The following SLC30A7 variants were observed in gnomAD, a reference collection of about 807,000 sequenced individuals.
SLC30A7 encodes zinc transporter 7.
SLC30A7 carries 35 observed loss-of-function variants against 46.0 expected under a neutral mutation model. That is an observed-to-expected ratio of 0.76 (90% confidence interval 0.58 to 1.01). The LOEUF is 1.01. Ranked by LOEUF, SLC30A7 falls within the 50% of genes least tolerant of loss-of-function variation. The pLI, the probability that SLC30A7 is intolerant of heterozygous loss-of-function variation, is 0.00. For missense variants in SLC30A7, 464 were observed against 451.1 expected (o/e 1.03, Z -0.26); for synonymous variants, 147 against 157.8 (o/e 0.93, Z 0.51).
rs189957716 is a variant in SLC30A7, at chr1:100,976,272, T to C, written c.*1415T>C. 110 of 152,354 alleles carry C rather than the reference T, an allele frequency of 7.2e-4. No individual in the cohort carries two copies. Among genetic ancestry groups the C allele is most frequent in the African/African-American group, 2.6e-3 (107 of 41,588 alleles). 9.4% of individuals were successfully genotyped at this position (152,354 alleles called of 1,614,324 possible). A position where few individuals can be genotyped will look rare whatever the true frequency, so the allele number is the denominator to read the frequency against. On this transcript the variant is annotated 3_prime_UTR_variant, in exon 11 of 11. Transcript: ENST00000357650. ...ACAGTGCTGTTTGGCTTTTTCATTC[T>C]TCAAATGCCAAGTCATCCACTTTGT...
chr1:100,993,559 A>AATATATAT, the SLC30A7 span, among the ~76,000 whole-genome samples: 1,605 of 56,122 alleles, frequency 0.029, 123 homozygotes, highest in South Asian at 0.039. Context: ...CGAAAATATA[A>AATATATAT]ATATATATAT....
At position 100,937,025 on chromosome 1, in the gene SLC30A7, G is replaced by GTATCTA. The variant is rs565368567; in HGVS notation, c.842+15198_842+15203dup. Among the ~76,000 whole-genome samples, 1,025 of 152,160 alleles carry GTATCTA rather than the reference G, an allele frequency of 6.7e-3. 18 individuals are homozygous for GTATCTA. Among genetic ancestry groups the GTATCTA allele is most frequent in the African/African-American group, 0.021 (891 of 41,502 alleles). ...TCATACTCATACACATAGATTATCT[G>GTATCTA]TATCTATATCTATATCTATGCATGT... On this transcript the variant is annotated intron_variant, in intron 8 of 10. Transcript: ENST00000357650.
At chr1:100,936,419 A>T (rs971690508) in intron 8 of SLC30A7, among the ~76,000 whole-genome samples, 2 of 152,128 alleles carry the variant, frequency 1.3e-5, no homozygotes, top group African/African-American at 4.8e-5. Context: ...ACACACTCCT[A>T]TATGTACTCT....
chr1:100,912,136 C>T lies in SLC30A7; in HGVS notation c.409C>T (p.His137Tyr), dbSNP rs1652143982. ...VERALAPPDV[H>Y]HERLLLVSIL... ...GAGAGCATTAGCCCCTCCAGATGTC[C>T]ACCATGAGAGACTGCTTCTTGTTTC... is the stretch of plus-strand genomic sequence containing the variant. The change falls in exon 5 of 11, where the codon CAC (histidine) becomes TAC (tyrosine). Residue 137 changes from histidine to tyrosine, a missense_variant. Physicochemically the swap from His to Tyr is moderately conservative, Grantham distance 83 (BLOSUM62 2). Transcript: ENST00000357650. 1.1e-5 allele frequency: 18 copies of T among 1,613,518 alleles called. No individual in the cohort carries two copies. The highest frequency in any genetic ancestry group is 1.5e-5 in the Non-Finnish European group (18 of 1,179,650).
chr1:100,974,195 T>G (rs576235392), intron 10 of SLC30A7, among the ~76,000 whole-genome samples: 8 of 152,334 alleles, frequency 5.3e-5, no homozygotes, highest in African/African-American at 1.9e-4. Context: ...AACTATCACC[T>G]GAATAGTGTA....
chr1:100,990,354 A>G, the SLC30A7 span: 10 of 1,534,456 alleles, frequency 6.5e-6, no homozygotes, highest in East Asian at 4.5e-5. Context: ...CATCCAAACC[A>G]TATCAATCCA....
chr1:100,918,344 A>G (rs1038792369), intron 7 of SLC30A7, among the ~76,000 whole-genome samples: 1 of 152,202 alleles, frequency 6.6e-6, no homozygotes, highest in Non-Finnish European at 1.5e-5. Context: ...TGATAATAAA[A>G]GCAAAATATA....
chr1:100,946,697 T>C (rs964914146), intron 8 of SLC30A7, among the ~76,000 whole-genome samples: 6 of 152,238 alleles, frequency 3.9e-5, no homozygotes, highest in Non-Finnish European at 7.3e-5. Flanking sequence ...CAGTATTTTA[T>C]TGAGGATTTT....
At chr1:100,952,326 T>C (rs1655000240) in intron 8 of SLC30A7, among the ~76,000 whole-genome samples, 1 of 152,244 alleles carries the variant, frequency 6.6e-6, no homozygotes, top group African/African-American at 2.4e-5. Context: ...ACTCAATTTT[T>C]CATCTTTAAA....
At position 100,978,517 on chromosome 1, in the gene SLC30A7, T is replaced by A. The variant is rs1656707674; in HGVS notation, c.*3660T>A. On this transcript the variant is annotated 3_prime_UTR_variant, in exon 11 of 11. Transcript: ENST00000357650. ...GTAGTTCTACCTCTCATTTTACAGA[T>A]GAGAAAACCGAAGCCCAGAAAAACT... 6.6e-6 allele frequency: 1 copy of A among 152,142 alleles called. No homozygotes were observed. The allele number at this position is 152,142 out of a possible 1,614,324, so 9.4% of individuals were successfully genotyped here.
intron 8 of SLC30A7, among the ~76,000 whole-genome samples, chr1:100,952,082 A>T (rs1434079734): frequency 2.6e-5 from 4 of 152,208 alleles, no homozygotes. Flanking sequence ...GATGTCACGA[A>T]AGTCAAGGAA....
chr1:100,913,440 T>C (rs1652264143), intron 5 of SLC30A7, among the ~76,000 whole-genome samples: 1 of 152,340 alleles, frequency 6.6e-6, no homozygotes. Flanking sequence ...TTATTTTCAT[T>C]TCCAGTAAGG....
intron 8 of SLC30A7, among the ~76,000 whole-genome samples, chr1:100,930,220 C>CAT (rs1052738124): frequency 1.6e-4 from 24 of 151,624 alleles, no homozygotes; most frequent in African/African-American, 2.4e-4. Context: ...CTTTTATATA[C>CAT]ATATATATAT....
chr1:100,926,143 C>G (rs1231014291), intron 8 of SLC30A7, among the ~76,000 whole-genome samples: 3 of 152,186 alleles, frequency 2.0e-5, no homozygotes, highest in South Asian at 2.1e-4. Context: ...TTCTCTGTAA[C>G]TTACATAGAT....
At chr1:100,927,206 A>G (rs750866855) in intron 8 of SLC30A7, among the ~76,000 whole-genome samples, 1 of 152,194 alleles carries the variant, frequency 6.6e-6, no homozygotes, top group Non-Finnish European at 1.5e-5. Flanking sequence ...GCCATATTTA[A>G]TAGACAGTTT....
the SLC30A7 span, among the ~76,000 whole-genome samples, chr1:100,993,051 G>T: frequency 2.0e-5 from 3 of 151,754 alleles, no homozygotes; most frequent in Non-Finnish European, 4.4e-5. Context: ...CAAAGTAAGT[G>T]GCAATTTGGT....
At chr1:100,913,636 C>G in intron 5 of SLC30A7, 27 bp from the exon 6 acceptor site, 1 of 1,553,298 alleles carries the variant, frequency 6.4e-7, no homozygotes, top group Non-Finnish European at 8.9e-7. Flanking sequence ...TTTTACATAC[C>G]TTCTGTCCTA....
Position 100,946,454 on chromosome 1 carries a change from A to T in SLC30A7, c.843-15374A>T, listed in dbSNP as rs151315422. ...TAAATAGCTTTTATTATTTTGAGAT[A>T]GATTCCATCAATCCCTAGTTTGAGA... On this transcript the variant is annotated intron_variant, in intron 8 of 10. Transcript: ENST00000357650. Among the ~76,000 whole-genome samples the T allele has an allele frequency of 5.4e-3, 821 of 152,298 alleles. 2 individuals carry two copies. The highest frequency in any genetic ancestry group is 0.019 in the African/African-American group (798 of 41,564).
chr1:100,967,356 G>A (rs550160703), intron 10 of SLC30A7, among the ~76,000 whole-genome samples: 1 of 152,120 alleles, frequency 6.6e-6, no homozygotes, highest in South Asian at 2.1e-4. Context: ...CTCATAAAGA[G>A]CACACAGCCT....
Sources: allele counts gnomAD v4.1 joint callset (sites outside exome capture counted in the v4.1 genomes callset), GRCh38; gene constraint gnomAD v4.1.1; transcripts MANE v1.5; gene names NCBI Gene and HGNC (gene_info 2026-07-23, HGNC 2026-07-21).